Variants in VAV3 observed in about 807,000 individuals in gnomAD.
The protein encoded by VAV3 is vav guanine nucleotide exchange factor 3.
VAV3 carries 94 observed loss-of-function variants against 131.2 expected under a neutral mutation model. The ratio of observed to expected loss-of-function variants is 0.72; its 90% CI spans 0.61 to 0.85. The LOEUF (loss-of-function observed/expected upper bound fraction) is 0.85. Ranked by LOEUF, VAV3 falls within the 40% of genes least tolerant of loss-of-function variation. The pLI, the probability that VAV3 is intolerant of heterozygous loss-of-function variation, is 0.00. For missense variants in VAV3, 939 were observed against 1,002.7 expected (o/e 0.94, Z 0.86); for synonymous variants, 349 against 342.0 (o/e 1.02, Z -0.22).
At chr1:107,644,830 T>G (rs1197459144) in intron 19 of VAV3, among the ~76,000 whole-genome samples, 1 of 152,000 alleles carries the variant, frequency 6.6e-6, no homozygotes, top group East Asian at 1.9e-4. Context: ...CTCATATGTC[T>G]TTCTGTAGAT....
chr1:107,757,153 ATG>A (rs34437461), intron 11 of VAV3, 106 bp downstream of exon 11: 243,803 of 583,040 alleles, frequency 0.42, 26,665 homozygotes, highest in East Asian at 0.52. Context: ...ATGTGTGTAT[ATG>A]TGTGTGTGTG....
chr1:107,885,314 A>G (rs1670983041), intron 1 of VAV3, among the ~76,000 whole-genome samples: 3 of 152,134 alleles, frequency 2.0e-5, no homozygotes, highest in Admixed American at 1.3e-4. Flanking sequence ...TAATACTGCT[A>G]TATGATATGC....
At chr1:107,730,142 A>G (rs1662132856) in intron 15 of VAV3, among the ~76,000 whole-genome samples, 1 of 152,224 alleles carries the variant, frequency 6.6e-6, no homozygotes, top group African/African-American at 2.4e-5. Flanking sequence ...CATGGTTTAG[A>G]TAACCACTTC....
intron 1 of VAV3, among the ~76,000 whole-genome samples, chr1:107,954,534 ATTTT>A (rs5776909): frequency 1.8e-4 from 24 of 130,564 alleles, no homozygotes; most frequent in African/African-American, 2.5e-4. Flanking sequence ...CCTGAGGCAA[ATTTT>A]TTTTTTTTTT....
At chr1:107,811,876 G>A (rs1667331937) in intron 2 of VAV3, among the ~76,000 whole-genome samples, 1 of 151,678 alleles carries the variant, frequency 6.6e-6, no homozygotes, top group Non-Finnish European at 1.5e-5. Context: ...ATGTAACAAG[G>A]AAAATTGACA....
chr1:107,882,297 T>G (rs935708651), intron 1 of VAV3, among the ~76,000 whole-genome samples: 1 of 152,074 alleles, frequency 6.6e-6, no homozygotes, highest in Non-Finnish European at 1.5e-5. Context: ...GCTCTCAGCA[T>G]CTCAGAATAA....
chr1:107,665,934 G>A (rs1161687650), intron 19 of VAV3, among the ~76,000 whole-genome samples: 3 of 152,190 alleles, frequency 2.0e-5, no homozygotes, highest in East Asian at 1.9e-4. Context: ...AAATGCAACT[G>A]TTGAAGGAAG....
At chr1:107,784,923 T>C (rs528860955) in intron 2 of VAV3, among the ~76,000 whole-genome samples, 4 of 152,258 alleles carry the variant, frequency 2.6e-5, no homozygotes, top group Non-Finnish European at 5.9e-5. Context: ...GTTGTCTATT[T>C]ACTCAAACCT....
chr1:107,617,696 G>A (rs1653269367), intron 20 of VAV3, 64 bp from the exon 21 acceptor site: 1 of 1,417,772 alleles, frequency 7.1e-7, no homozygotes, highest in South Asian at 1.2e-5. Flanking sequence ...ACCCCATGAT[G>A]CCCCATACAT....
At chr1:107,716,947 T>A (rs921793671) in intron 15 of VAV3, among the ~76,000 whole-genome samples, 1 of 152,214 alleles carries the variant, frequency 6.6e-6, no homozygotes, top group African/African-American at 2.4e-5. Context: ...GGATTCAACA[T>A]CTTCCTAGTT....
At chr1:107,897,560 A>C (rs1475274927) in intron 1 of VAV3, among the ~76,000 whole-genome samples, 2 of 152,044 alleles carry the variant, frequency 1.3e-5, no homozygotes, top group Non-Finnish European at 2.9e-5. Context: ...GTCGCAGTTT[A>C]GTCAAGAAGG....
chr1:107,875,784 G>A (rs1670467006), intron 1 of VAV3, among the ~76,000 whole-genome samples: 2 of 152,188 alleles, frequency 1.3e-5, no homozygotes, highest in South Asian at 4.1e-4. Flanking sequence ...GGTGGAGGCA[G>A]GAAAACCAGA....
intron 2 of VAV3, among the ~76,000 whole-genome samples, chr1:107,845,652 T>C (rs918236759): frequency 2.0e-5 from 3 of 151,988 alleles, no homozygotes; most frequent in African/African-American, 4.8e-5. Context: ...TCATGAAGCA[T>C]ACACAAGTAT....
intron 20 of VAV3, among the ~76,000 whole-genome samples, chr1:107,623,869 T>C (rs149006534): frequency 6.6e-6 from 1 of 152,318 alleles, no homozygotes; most frequent in African/African-American, 2.4e-5. Flanking sequence ...TGTCCCTATC[T>C]CTGGCATAGT....
chr1:107,682,707 T>C lies in VAV3; in HGVS notation c.1777+781A>G, dbSNP rs574864009. On this transcript the variant is annotated intron_variant, in intron 19 of 26. Transcript: ENST00000370056. ...ACAACTAGGTGAATACCACTTATGA[T>C]AGGAAAACAAAATGAAACACATAGT... 2.2e-3 allele frequency among the ~76,000 whole-genome samples: 324 copies of C among 144,228 alleles called. 1 individual carries two copies. The highest frequency in any genetic ancestry group is 7.4e-3 in the African/African-American group (304 of 41,098). 94.6% of individuals were successfully genotyped at this position (144,228 alleles called of 152,430 possible). A position where few individuals can be genotyped will look rare whatever the true frequency, so the allele number is the denominator to read the frequency against.
chr1:107,713,074 CTT>C (rs1297324310), intron 15 of VAV3, among the ~76,000 whole-genome samples: 1 of 152,092 alleles, frequency 6.6e-6, no homozygotes, highest in African/African-American at 2.4e-5. Flanking sequence ...TAGATAAAGA[CTT>C]ATACTATCTA....
At chr1:107,593,710 GTCTT>G (rs1485531849) in intron 25 of VAV3, among the ~76,000 whole-genome samples, 1 of 152,084 alleles carries the variant, frequency 6.6e-6, no homozygotes, top group Non-Finnish European at 1.5e-5. Flanking sequence ...AATAGAAGCA[GTCTT>G]TCTTTAAGGG....
chr1:107,808,148 T>C (rs79271996), intron 2 of VAV3, among the ~76,000 whole-genome samples: 17,747 of 152,158 alleles, frequency 0.12, 1,213 homozygotes, highest in East Asian at 0.29. Flanking sequence ...TTTGCTGACA[T>C]ATTTCTCAAG....
chr1:107,617,669 AT>A, intron 20 of VAV3, 37 bp from the exon 21 acceptor site: 1 of 1,590,944 alleles, frequency 6.3e-7, no homozygotes, highest in Non-Finnish European at 8.6e-7. Context: ...TTGAGAACAA[AT>A]TTACCACAAA....
Sources: gnomAD v4.1 joint callset for allele counts (sites outside exome capture counted in the v4.1 genomes callset) on GRCh38, gnomAD v4.1.1 for gene constraint, MANE v1.5 for transcripts, NCBI Gene and HGNC (gene_info 2026-07-23, HGNC 2026-07-21) for gene names.